The following CSMD2 variants were observed in gnomAD, a reference collection of about 807,000 sequenced individuals.
The protein encoded by CSMD2 is CUB and sushi domain-containing protein 2.
CSMD2 carries 130 observed loss-of-function variants against 398.5 expected under a neutral mutation model. The ratio of observed to expected loss-of-function variants is 0.33; its 90% CI spans 0.28 to 0.38. The LOEUF is 0.38. Ranked by LOEUF, CSMD2 falls within the 10% of genes least tolerant of loss-of-function variation. The pLI is 1.00. For synonymous variants in CSMD2, 1,828 were observed against 1,908.5 expected, an observed-to-expected ratio of 0.96 and a Z score of 1.10; for missense variants, 3,829 against 4,764.9, an observed-to-expected ratio of 0.80 and a Z score of 5.78.
chr1:34,031,315 G>A (rs531649111), intron 3 of CSMD2, among the ~76,000 whole-genome samples: 48 of 152,090 alleles, frequency 3.2e-4, no homozygotes, highest in African/African-American at 1.1e-3. Flanking sequence ...CACTCGCCTC[G>A]TCCTCCCAAA....
intron 3 of CSMD2, among the ~76,000 whole-genome samples, chr1:33,971,929 T>C (rs1466648124): frequency 1.3e-5 from 2 of 152,224 alleles, no homozygotes; most frequent in African/African-American, 4.8e-5. Flanking sequence ...GCTCGATACT[T>C]CTTCCAGCCC....
intron 2 of CSMD2, among the ~76,000 whole-genome samples, chr1:34,065,829 TTG>T (rs994805618): frequency 1.3e-5 from 2 of 152,108 alleles, no homozygotes; most frequent in Non-Finnish European, 2.9e-5. Context: ...TTCAAGTAGT[TTG>T]TGAGTCCACC....
At chr1:33,975,495 A>G (rs1465201865) in intron 3 of CSMD2, among the ~76,000 whole-genome samples, 2 of 151,842 alleles carry the variant, frequency 1.3e-5, no homozygotes, top group Non-Finnish European at 2.9e-5. Flanking sequence ...GTACACACAC[A>G]CACACACACA....
chr1:33,580,675 G>A, intron 48 of CSMD2, 78 bp downstream of exon 48: 1 of 1,526,764 alleles, frequency 6.5e-7, no homozygotes, highest in Non-Finnish European at 8.9e-7. Context: ...GAGGGGAATG[G>A]CCGCCCGGTC....
At chr1:33,953,246 C>T (rs1357259557) in intron 3 of CSMD2, among the ~76,000 whole-genome samples, 2 of 152,190 alleles carry the variant, frequency 1.3e-5, no homozygotes, top group Non-Finnish European at 2.9e-5. Flanking sequence ...GAGGCTTTAT[C>T]CCTGAATTTC....
chr1:33,701,701 T>A (rs1475257522), intron 22 of CSMD2, among the ~76,000 whole-genome samples: 2 of 152,262 alleles, frequency 1.3e-5, no homozygotes, highest in African/African-American at 4.8e-5. Context: ...TGTTTCCAGA[T>A]CCTTGTGTAA....
intron 3 of CSMD2, among the ~76,000 whole-genome samples, chr1:34,017,005 T>G (rs1311703371): frequency 1.3e-5 from 2 of 152,224 alleles, no homozygotes; most frequent in Non-Finnish European, 2.9e-5. Flanking sequence ...GGCACTGTTT[T>G]CTTTCTTAGT....
At chr1:33,722,496 T>C (rs1306313458) in intron 19 of CSMD2, among the ~76,000 whole-genome samples, 1 of 152,228 alleles carries the variant, frequency 6.6e-6, no homozygotes, top group Non-Finnish European at 1.5e-5. Context: ...TATTTCTCTT[T>C]TAAAATTACA....
chr1:34,053,399 T>C (rs1403425402), intron 2 of CSMD2, among the ~76,000 whole-genome samples: 1 of 152,150 alleles, frequency 6.6e-6, no homozygotes, highest in Non-Finnish European at 1.5e-5. Context: ...CATGGGTGAC[T>C]GGCTCTTCTT....
chr1:34,083,427 C>G (rs1239170594), intron 2 of CSMD2, among the ~76,000 whole-genome samples: 1 of 152,166 alleles, frequency 6.6e-6, no homozygotes, highest in Non-Finnish European at 1.5e-5. Flanking sequence ...ATAGATTTCT[C>G]AAAATCAAAA....
In CSMD2 at chr1:33,524,896, T is replaced by A; in HGVS notation, c.10382A>T (p.Glu3461Val). ...CTGCTCCTTACCAGCCAAGTGCAGC[T>A]CCACGCCACTGTGGTCGATCATGGT... ...NATMIDHSGV[E>V]LHLAGTYKKE... The change falls in exon 66 of 71, where the codon GAG (glutamate) becomes GTG (valine). Residue 3461 changes from glutamate (E) to valine (V), a missense_variant. Transcript: ENST00000373381. The A allele has an allele frequency of 6.2e-7, 1 of 1,614,162 alleles. No individual in the cohort carries two copies. Among genetic ancestry groups the A allele is most frequent in the Non-Finnish European group, 8.5e-7 (1 of 1,180,032 alleles).
At chr1:33,946,926 C>T (rs528932488) in intron 3 of CSMD2, among the ~76,000 whole-genome samples, 3 of 152,138 alleles carry the variant, frequency 2.0e-5, no homozygotes, top group African/African-American at 7.2e-5. Flanking sequence ...TGAGCCACCC[C>T]GCCCGGCCAC....
intron 3 of CSMD2, among the ~76,000 whole-genome samples, chr1:34,014,965 G>A (rs574377046): frequency 2.0e-5 from 3 of 152,312 alleles, no homozygotes; most frequent in African/African-American, 7.2e-5. Flanking sequence ...AGACAGCTGG[G>A]TGTGCAGCAC....
At position 34,136,420 on chromosome 1, in the gene CSMD2, C is replaced by T. The variant is rs150573899; in HGVS notation, c.187+28491G>A. 1.2e-3 allele frequency among the ~76,000 whole-genome samples: 177 copies of T among 152,260 alleles called. 1 individual carries two copies. Among genetic ancestry groups the T allele is most frequent in the Non-Finnish European group, 1.9e-3 (130 of 68,022 alleles). ...ATTAAATATTACATGTGAGTGTGAA[C>T]GCCAGTGTGGACGTATCCCATATTT... On this transcript the variant is annotated intron_variant, in intron 1 of 70. Coordinates refer to ENST00000373381, the MANE Select transcript of CSMD2 (RefSeq NM_001281956.2).
intron 28 of CSMD2, 138 bp downstream of exon 28, chr1:33,652,185 C>G: frequency 1.3e-6 from 1 of 764,270 alleles, no homozygotes; most frequent in Non-Finnish European, 2.1e-6. Context: ...ATGCTAGTTT[C>G]TCTCTCTCTC....
At chr1:33,926,631 A>G (rs1163063407) in intron 4 of CSMD2, among the ~76,000 whole-genome samples, 1 of 152,204 alleles carries the variant, frequency 6.6e-6, no homozygotes, top group East Asian at 1.9e-4. Flanking sequence ...TTACAACTCC[A>G]GAGTCATAAA....
chr1:34,080,920 T>TGGAAAGAAAGAAAGAAAGAA (rs1656994995), intron 2 of CSMD2, among the ~76,000 whole-genome samples: 1 of 56,790 alleles, frequency 1.8e-5, no homozygotes, highest in Non-Finnish European at 4.2e-5. Context: ...ACTAACTGAG[T>TGGAAAGAAAGAAAGAAAGAA]GGAAAGAAAG....
intron 3 of CSMD2, among the ~76,000 whole-genome samples, chr1:33,993,449 G>A (rs1310683219): frequency 1.3e-5 from 2 of 151,868 alleles, no homozygotes; most frequent in African/African-American, 4.8e-5. Flanking sequence ...TCTCTCTTTG[G>A]GAGTCCTCGG....
At chr1:33,990,640 A>T (rs1034567211) in intron 3 of CSMD2, among the ~76,000 whole-genome samples, 1 of 152,148 alleles carries the variant, frequency 6.6e-6, no homozygotes, top group African/African-American at 2.4e-5. Context: ...TGGGAAAAAC[A>T]ATGGGCTCTT....
Sources: allele counts gnomAD v4.1 joint callset (sites outside exome capture counted in the v4.1 genomes callset), GRCh38; gene constraint gnomAD v4.1.1; transcripts MANE v1.5; gene names NCBI Gene and HGNC (gene_info 2026-07-23, HGNC 2026-07-21).